PNMA6F: variants seen among roughly 807,000 people sequenced by gnomAD.
PNMA6F encodes PNMA family member 6F, also known as paraneoplastic antigen Ma6F.
For synonymous variants in PNMA6F, 14 were observed against 3.4 expected (o/e 4.15, Z -3.45); for missense variants, 57 against 10.8 (o/e 5.25, Z -5.98).
At position 153,320,145 on chromosome X, in the gene PNMA6F, C is replaced by G; in HGVS notation, c.530G>C (p.Gly177Ala). The G allele has an allele frequency of 2.8e-6, 1 of 353,318 alleles. No homozygotes were observed. The highest frequency in any genetic ancestry group is 4.8e-6 in the Non-Finnish European group (1 of 206,482). The allele number at this position is 353,318 out of a possible 1,213,427, so 29.1% of individuals were successfully genotyped here. A position where few individuals can be genotyped will look rare whatever the true frequency, so the allele number is the denominator to read the frequency against. Residue 177 changes from glycine (G) to alanine (A), a missense_variant, in exon 2 of 2, where the codon GGA becomes GCA. Coordinates refer to ENST00000436629, the MANE Select transcript of PNMA6F (RefSeq NM_001354980.2). ...AGEAGAAGEA[G>A]GAGEAGGAGE... is the part of the protein sequence containing the mutation. ...TGCACCTCCTGCCTCACCTGCACCT[C>G]CTGCCTCACCTGCTGCTCCTGCCTC... is the stretch of plus-strand genomic sequence containing the variant.
chrX:153,318,134 C>A lies in PNMA6F; in HGVS notation c.*804G>T. ...TCAGGCAGGGCAGCTCTGCTCTGTC[C>A]CAGGTCCGGTTCTTCCTCACACAGT... is the stretch of plus-strand genomic sequence containing the variant. On this transcript the variant is annotated 3_prime_UTR_variant, in exon 2 of 2. Transcript: ENST00000436629. 1 of 118,374 alleles carries A rather than the reference C, an allele frequency of 8.4e-6. No individual in the cohort carries two copies. 9.8% of individuals were successfully genotyped at this position (118,374 alleles called of 1,213,427 possible).
chrX:153,321,684 G>A lies in PNMA6F; in HGVS notation c.-216C>T, dbSNP rs1407291428. ...GATCTCGCCTCAGTCACGCGGCCGC[G>A]CTGCGCAGCGCAGGGGTCTCCAAAG... On this transcript the variant is annotated 5_prime_UTR_variant, in exon 1 of 2. Coordinates refer to ENST00000436629, the MANE Select transcript of PNMA6F (RefSeq NM_001354980.2). The A allele has an allele frequency of 1.9e-5, 2 of 107,588 alleles. No homozygotes were observed. Among genetic ancestry groups the A allele is most frequent in the East Asian group, 3.0e-4 (1 of 3,331 alleles). The allele number at this position is 107,588 out of a possible 1,213,427, so 8.9% of individuals were successfully genotyped here.
chrX:153,319,444 G>A lies in PNMA6F; in HGVS notation c.1231C>T (p.Pro411Ser). The change falls in exon 2 of 2, where the codon CCT (proline) becomes TCT (serine). Residue 411 changes from proline to serine, a missense_variant. Transcript: ENST00000436629. ...LRRMQLERRP[P>S]DFLRLLRLIR... ...AGCCGCAGCAGCCTCAGGAAGTCAG[G>A]TGGCCTCCTCTCCAGCTGCATCCTC... 1 of 298,184 alleles carries A rather than the reference G, an allele frequency of 3.4e-6. No homozygotes were observed. The highest frequency in any genetic ancestry group is 4.7e-5 in the East Asian group (1 of 21,053). The allele number at this position is 298,184 out of a possible 1,213,427, so 24.6% of individuals were successfully genotyped here. A position where few individuals can be genotyped will look rare whatever the true frequency, so the allele number is the denominator to read the frequency against.
Position 153,319,100 on chromosome X carries a change from T to C in PNMA6F, c.1575A>G (p.Pro525=), listed in dbSNP as rs1304643609. Residue 525 remains proline, a synonymous_variant, in exon 2 of 2, where the codon CCA becomes CCG. Transcript: ENST00000436629. ...CCTCTGGCTCCCAGCTGGGACCTCC[T>C]GGGGCCATGTCGACTGCACTGCCCA... ...ARMGSAVDMA[P]GGPSWEPEGL... is the part of the protein sequence containing the mutation. 9.9e-6 allele frequency: 3 copies of C among 301,619 alleles called. No homozygotes were observed. The highest frequency in any genetic ancestry group is 6.0e-5 in the Admixed American group (1 of 16,638). The allele number at this position is 301,619 out of a possible 1,213,427, so 24.9% of individuals were successfully genotyped here. A position where few individuals can be genotyped will look rare whatever the true frequency, so the allele number is the denominator to read the frequency against.
Position 153,319,489 on chromosome X carries a change from C to T in PNMA6F, c.1186G>A (p.Ala396Thr), listed in dbSNP as rs959770063. The T allele has an allele frequency of 6.7e-6, 2 of 297,040 alleles. No individual in the cohort carries two copies. The highest frequency in any genetic ancestry group is 5.4e-5 in the African/African-American group (2 of 36,803). 24.5% of individuals were successfully genotyped at this position (297,040 alleles called of 1,213,427 possible). ...ATCCTCCTCAGGGTATCCTGGAGTG[C>T]CTCGCTGGGGCGGGCCCGAGACAGC... ...QVLSRARPSE[A>T]LQDTLRRMQL... Residue 396 changes from alanine to threonine, a missense_variant, in exon 2 of 2, where the codon GCA becomes ACA. Physicochemically the swap from Ala to Thr is moderately conservative, Grantham distance 58. Coordinates refer to ENST00000436629, the MANE Select transcript of PNMA6F (RefSeq NM_001354980.2).
chrX:153,320,867 C>A (rs2051991351), intron 1 of PNMA6F, 110 bp from the exon 2 acceptor site: 2 of 280,839 alleles, frequency 7.1e-6, no homozygotes, highest in East Asian at 5.1e-5. Flanking sequence ...GATCCATTCC[C>A]TCCCACTGCT....
At position 153,319,116 on chromosome X, in the gene PNMA6F, G is replaced by A. The variant is rs1452302412; in HGVS notation, c.1559C>T (p.Ala520Val). ...PGGLPARMGS[A>V]VDMAPGGPSW... The stretch of plus-strand genomic sequence containing the variant: ...GGGACCTCCTGGGGCCATGTCGACT[G>A]CACTGCCCATCCTGGCTGGGAGGCC... The change falls in exon 2 of 2, where the codon GCA becomes GTA. Residue 520 changes from alanine (A) to valine (V), a missense_variant. Ala to Val is a moderately conservative substitution (Grantham distance 64, BLOSUM62 0). Transcript: ENST00000436629. The A allele has an allele frequency of 1.7e-5, 5 of 298,956 alleles. No homozygotes were observed. The highest frequency in any genetic ancestry group is 2.9e-5 in the Non-Finnish European group (5 of 171,347). 24.6% of individuals were successfully genotyped at this position (298,956 alleles called of 1,213,427 possible).
At position 153,320,326 on chromosome X, in the gene PNMA6F, C is replaced by T. The variant is rs957359810; in HGVS notation, c.349G>A (p.Ala117Thr). The change falls in exon 2 of 2, where the codon GCA (alanine) becomes ACA (threonine). Residue 117 changes from alanine (A) to threonine (T), a missense_variant. Coordinates refer to ENST00000436629, the MANE Select transcript of PNMA6F (RefSeq NM_001354980.2). ...QPQGQAVARGAGEAGAAGEAG... is the reference protein window; with the variant it reads ...QPQGQAVARGTGEAGAAGEAG... ...TCACCTGCAGCTCCTGCTTCACCTG[C>T]ACCTCTGGCCACTGCTTGCCCCTGG... The T allele has an allele frequency of 2.5e-5, 8 of 314,622 alleles. No homozygotes were observed. The highest frequency in any genetic ancestry group is 3.9e-5 in the Non-Finnish European group (7 of 181,485). 25.9% of individuals were successfully genotyped at this position (314,622 alleles called of 1,213,427 possible).
rs1434329416 is a variant in PNMA6F, at chrX:153,320,273, A to C, written c.402T>G (p.Gly134=). Residue 134 remains glycine (G), a synonymous_variant, in exon 2 of 2, where the codon GGT becomes GGG. Transcript: ENST00000436629. The part of the protein sequence containing the change: ...GEAGSVGEAG[G]VNEERSAGED... ...CACCTGCAGATCTTTCCTCATTCAC[A>C]CCTCCTGCCTCACCTACAGATCCTG... The C allele has an allele frequency of 1.3e-5, 4 of 313,732 alleles. No individual in the cohort carries two copies. Among genetic ancestry groups the C allele is most frequent in the African/African-American group, 1.1e-4 (4 of 35,104 alleles). 25.9% of individuals were successfully genotyped at this position (313,732 alleles called of 1,213,427 possible).
Position 153,318,725 on chromosome X carries a change from C to T in PNMA6F, c.*213G>A, listed in dbSNP as rs185955526. On this transcript the variant is annotated 3_prime_UTR_variant, in exon 2 of 2. Coordinates refer to ENST00000436629, the MANE Select transcript of PNMA6F (RefSeq NM_001354980.2). ...GGGGGGCAGACATCTTCAGGCTGGC[C>T]GCTCAGAGCTCCCTCCAGGCCAGCT... 1.1e-3 allele frequency: 314 copies of T among 283,919 alleles called. 4 individuals are homozygous for T. The East Asian group carries it at 0.015, about 13-fold the overall frequency. 23.4% of individuals were successfully genotyped at this position (283,919 alleles called of 1,213,427 possible).
chrX:153,318,906 G>C lies in PNMA6F; in HGVS notation c.*32C>G. 3.3e-6 allele frequency: 1 copy of C among 299,135 alleles called. No individual in the cohort carries two copies. Among genetic ancestry groups the C allele is most frequent in the East Asian group, 4.7e-5 (1 of 21,069 alleles). The allele number at this position is 299,135 out of a possible 1,213,427, so 24.7% of individuals were successfully genotyped here. ...GTCTGCCTCCAGGGTGCTGCTGCCT[G>C]AGAGGAGAGGAGCCCTCAGGGCCCT... On this transcript the variant is annotated 3_prime_UTR_variant, in exon 2 of 2. Coordinates refer to ENST00000436629, the MANE Select transcript of PNMA6F (RefSeq NM_001354980.2).
chrX:153,320,136 C>T lies in PNMA6F; in HGVS notation c.539G>A (p.Gly180Asp), dbSNP rs908841090. Residue 180 changes from glycine to aspartate, a missense_variant, in exon 2 of 2, where the codon GGT (glycine) becomes GAT (aspartate). Transcript: ENST00000436629. ...TGCCTCACCTGCACCTCCTGCCTCACCTGCACCTCCTGCCTCACCTGCTGC... is the reference window on the plus strand; with the variant it reads ...TGCCTCACCTGCACCTCCTGCCTCATCTGCACCTCCTGCCTCACCTGCTGC... ...AGAAGEAGGA[G>D]EAGGAGEAGG... is the part of the protein sequence containing the mutation. The T allele has an allele frequency of 1.1e-5, 4 of 357,687 alleles. No individual in the cohort carries two copies. Among genetic ancestry groups the T allele is most frequent in the Non-Finnish European group, 1.9e-5 (4 of 209,461 alleles). 29.5% of individuals were successfully genotyped at this position (357,687 alleles called of 1,213,427 possible). A position where few individuals can be genotyped will look rare whatever the true frequency, so the allele number is the denominator to read the frequency against.
In PNMA6F at chrX:153,320,774, G is replaced by C. The variant is rs1411412516; in HGVS notation, c.-83-17C>G. On this transcript the variant is annotated splice_polypyrimidine_tract_variant and intron_variant, in intron 1 of 1. Coordinates refer to ENST00000436629, the MANE Select transcript of PNMA6F (RefSeq NM_001354980.2). ...TGACGCAGCCTGTGAGTGCAAAGGG[G>C]AGAGAGGGACGACGTTGCTGCCAAT... is the stretch of plus-strand genomic sequence containing the variant. The C allele has an allele frequency of 3.4e-6, 1 of 293,632 alleles. No individual in the cohort carries two copies. Among genetic ancestry groups the C allele is most frequent in the Non-Finnish European group, 5.9e-6 (1 of 169,120 alleles). The allele number at this position is 293,632 out of a possible 1,213,427, so 24.2% of individuals were successfully genotyped here.
At position 153,318,535 on chromosome X, in the gene PNMA6F, C is replaced by G. The variant is rs953711067; in HGVS notation, c.*403G>C. 8.1e-6 allele frequency: 1 copy of G among 124,151 alleles called. No homozygotes were observed. The highest frequency in any genetic ancestry group is 3.1e-5 in the African/African-American group (1 of 31,777). 10.2% of individuals were successfully genotyped at this position (124,151 alleles called of 1,213,427 possible). ...GGTGAGTGGGCGTCTGCTGTTCGGA[C>G]GCGTGGGTCACTATGGGGCCTACAG... On this transcript the variant is annotated 3_prime_UTR_variant, in exon 2 of 2. Coordinates refer to ENST00000436629, the MANE Select transcript of PNMA6F (RefSeq NM_001354980.2).
chrX:153,320,461 T>A lies in PNMA6F; in HGVS notation c.214A>T (p.Ser72Cys). 3.4e-6 allele frequency: 1 copy of A among 297,752 alleles called. No homozygotes were observed. 24.5% of individuals were successfully genotyped at this position (297,752 alleles called of 1,213,427 possible). A position where few individuals can be genotyped will look rare whatever the true frequency, so the allele number is the denominator to read the frequency against. Residue 72 changes from serine (S) to cysteine (C), a missense_variant, in exon 2 of 2, where the codon AGC (serine) becomes TGC (cysteine). Transcript: ENST00000436629. The part of the protein sequence containing the change: ...LVEFAEGLNQ[S>C]LIPRQIAGKG... The stretch of plus-strand genomic sequence containing the variant: ...CCTGCTATTTGGCGGGGAATCAAGC[T>A]TTGGTTTAAACCCTCAGCGAATTCC...
rs1323481146 is a variant in PNMA6F, at chrX:153,318,740, C to A, written c.*198G>T. The A allele has an allele frequency of 3.5e-6, 1 of 289,509 alleles. No individual in the cohort carries two copies. Among genetic ancestry groups the A allele is most frequent in the African/African-American group, 2.7e-5 (1 of 36,711 alleles). The allele number at this position is 289,509 out of a possible 1,213,427, so 23.9% of individuals were successfully genotyped here. On this transcript the variant is annotated 3_prime_UTR_variant, in exon 2 of 2. Transcript: ENST00000436629. ...TCAGGCTGGCCGCTCAGAGCTCCCTCCAGGCCAGCTCCCCATTTGGTATCA... is the reference window on the plus strand; with the variant it reads ...TCAGGCTGGCCGCTCAGAGCTCCCTACAGGCCAGCTCCCCATTTGGTATCA...
At position 153,318,862 on chromosome X, in the gene PNMA6F, C is replaced by G. The variant is rs781990361; in HGVS notation, c.*76G>C. On this transcript the variant is annotated 3_prime_UTR_variant, in exon 2 of 2. Transcript: ENST00000436629. ...CAGCTCCCAACATGGGGTGAGGGAC[C>G]GGCCCTGGCCTGGCCTCTGTCTGCC... The G allele has an allele frequency of 6.7e-6, 2 of 297,434 alleles. No individual in the cohort carries two copies. The highest frequency in any genetic ancestry group is 5.4e-5 in the African/African-American group (2 of 36,965). 24.5% of individuals were successfully genotyped at this position (297,434 alleles called of 1,213,427 possible).
Position 153,319,266 on chromosome X carries a change from T to C in PNMA6F, c.1409A>G (p.Asp470Gly), listed in dbSNP as rs2051977921. Reference protein sequence around the residue: ...DASEADPGAEDADEAASTTKE... With the variant: ...DASEADPGAEGADEAASTTKE... ...GGTGGTGGAAGCAGCCTCATCAGCATCTTCTGCTCCGGGATCAGCCTCGCT... is the reference window on the plus strand; with the variant it reads ...GGTGGTGGAAGCAGCCTCATCAGCACCTTCTGCTCCGGGATCAGCCTCGCT... Residue 470 changes from aspartate to glycine, a missense_variant, in exon 2 of 2, where the codon GAT becomes GGT. Asp to Gly is a moderately conservative substitution (Grantham distance 94). Transcript: ENST00000436629. 3.4e-6 allele frequency: 1 copy of C among 298,291 alleles called. No homozygotes were observed. The highest frequency in any genetic ancestry group is 2.7e-5 in the African/African-American group (1 of 37,251). 24.6% of individuals were successfully genotyped at this position (298,291 alleles called of 1,213,427 possible). A position where few individuals can be genotyped will look rare whatever the true frequency, so the allele number is the denominator to read the frequency against.
Position 153,318,882 on chromosome X carries a change from T to C in PNMA6F, c.*56A>G. On this transcript the variant is annotated 3_prime_UTR_variant, in exon 2 of 2. Coordinates refer to ENST00000436629, the MANE Select transcript of PNMA6F (RefSeq NM_001354980.2). ...GGGACCGGCCCTGGCCTGGCCTCTG[T>C]CTGCCTCCAGGGTGCTGCTGCCTGA... 3.3e-6 allele frequency: 1 copy of C among 299,051 alleles called. No homozygotes were observed. The highest frequency in any genetic ancestry group is 6.0e-5 in the Admixed American group (1 of 16,656). 24.6% of individuals were successfully genotyped at this position (299,051 alleles called of 1,213,427 possible).
Sources: gnomAD v4.1 joint callset for allele counts on GRCh38, gnomAD v4.1.1 for gene constraint, MANE v1.5 for transcripts, NCBI Gene and HGNC (gene_info 2026-07-23, HGNC 2026-07-21) for gene names.